CFI: variants seen among roughly 807,000 people sequenced by gnomAD.
CFI encodes the protein complement factor I.
In CFI, 66 loss-of-function variants were observed where a neutral mutation model predicts 78.8. That is an observed-to-expected ratio of 0.84 (90% CI 0.69 to 1.03). The LOEUF is 1.03. Ranked by LOEUF, CFI falls within the 50% of genes least tolerant of loss-of-function variation. The probability of loss-of-function intolerance (pLI) is 0.00; values close to 1 mark genes in which losing one functional copy is unlikely to be tolerated. For synonymous variants in CFI, 250 were observed against 232.6 expected, an observed-to-expected ratio of 1.07 and a Z score of -0.68; for missense variants, 706 against 704.5, an observed-to-expected ratio of 1.00 and a Z score of -0.02.
At chr4:109,742,140 G>C in intron 12 of CFI, 1 of 255,740 alleles carries the variant, frequency 3.9e-6, no homozygotes, top group South Asian at 5.8e-5. Context: ...CTGCATCTCA[G>C]ATGCCTTATC....
chr4:109,739,457 G>A (rs1299935615), downstream of CFI, among the ~76,000 whole-genome samples: 1 of 152,092 alleles, frequency 6.6e-6, no homozygotes, highest in Non-Finnish European at 1.5e-5. Flanking sequence ...AATACACTGG[G>A]GGAAGAAAAG....
At position 109,742,650 on chromosome 4, in the gene CFI, C is replaced by T; in HGVS notation, c.1430-55G>A. On this transcript the variant is annotated intron_variant, in intron 11 of 12. Coordinates refer to ENST00000394634, the MANE Select transcript of CFI (RefSeq NM_000204.5). ...AAGTCACAAATGAGAAATCTAAATACATACTCTCATAACTTAAACCATTGG... is the reference window on the plus strand; with the variant it reads ...AAGTCACAAATGAGAAATCTAAATATATACTCTCATAACTTAAACCATTGG... The T allele has an allele frequency of 2.8e-6, 3 of 1,059,530 alleles. No homozygotes were observed. The South Asian group carries it at 3.8e-5, about 13-fold the overall frequency. 65.6% of individuals were successfully genotyped at this position (1,059,530 alleles called of 1,614,324 possible).
Position 109,749,567 on chromosome 4 carries a change from A to T in CFI, c.976T>A (p.Ser326Thr), listed in dbSNP as rs754267987. Reference sequence around the variant, plus strand: ...TGCATTCTGTTTTTAACTCCACAAGATAGTTTAGGTAATAATGATTTTATC... The same window carrying T: ...TGCATTCTGTTTTTAACTCCACAAGTTAGTTTAGGTAATAATGATTTTATC... ...RRIKSLLPKL[S>T]CGVKNRMHIR... The change falls in exon 9 of 13, where the codon TCT becomes ACT. Residue 326 changes from serine (S) to threonine (T), a missense_variant. Coordinates refer to ENST00000394634, the MANE Select transcript of CFI (RefSeq NM_000204.5). 1 of 1,611,474 alleles carries T rather than the reference A, an allele frequency of 6.2e-7. No homozygotes were observed. Among genetic ancestry groups the T allele is most frequent in the South Asian group, 1.1e-5 (1 of 91,022 alleles).
Position 109,741,191 on chromosome 4 carries a change from C to A in CFI, c.1535-81G>T, listed in dbSNP as rs144501067. The A allele has an allele frequency of 1.4e-5, 22 of 1,603,460 alleles. No homozygotes were observed. The East Asian group carries it at 4.0e-4, about 29-fold the overall frequency. On this transcript the variant is annotated intron_variant, in intron 12 of 12. Coordinates refer to ENST00000394634, the MANE Select transcript of CFI (RefSeq NM_000204.5). ...GCCATGCCTCCTCCATGGCATTTAA[C>A]AACTTTGGCTTTTTTACAGTTTCCT...
At position 109,746,308 on chromosome 4, in the gene CFI, C is replaced by A. The variant is rs139952851; in HGVS notation, c.1343G>T (p.Arg448Leu). Reference sequence around the variant, plus strand: ...CCAGGGGACACAGGCAGGGATGGAACGAGGCAGCTCACAATCTTTTTTGTT... The same window carrying A: ...CCAGGGGACACAGGCAGGGATGGAAAGAGGCAGCTCACAATCTTTTTTGTT... Reference protein sequence around the residue: ...DGNKKDCELPRSIPACVPWSP... With the variant: ...DGNKKDCELPLSIPACVPWSP... The change falls in exon 11 of 13, where the codon CGT becomes CTT. Residue 448 changes from arginine to leucine, a missense_variant. By Grantham distance (102) the Arg-to-Leu change is moderately radical (BLOSUM62 -2). Transcript: ENST00000394634. 7 of 1,614,160 alleles carry A rather than the reference C, an allele frequency of 4.3e-6. No individual in the cohort carries two copies. The highest frequency in any genetic ancestry group is 5.9e-6 in the Non-Finnish European group (7 of 1,180,028).
At position 109,740,796 on chromosome 4, in the gene CFI, T is replaced by C. The variant is rs938876678; in HGVS notation, c.*97A>G. ...AAAATATCCAGTGAGATTTGCTTCATTTTTCCCCCCTAGAGAATTATTAAT... is the reference window on the plus strand; with the variant it reads ...AAAATATCCAGTGAGATTTGCTTCACTTTTCCCCCCTAGAGAATTATTAAT... On this transcript the variant is annotated 3_prime_UTR_variant, in exon 13 of 13. Coordinates refer to ENST00000394634, the MANE Select transcript of CFI (RefSeq NM_000204.5). The C allele has an allele frequency of 1.7e-6, 2 of 1,167,482 alleles. No homozygotes were observed. Among genetic ancestry groups the C allele is most frequent in the Non-Finnish European group, 2.5e-6 (2 of 789,668 alleles). 72.3% of individuals were successfully genotyped at this position (1,167,482 alleles called of 1,614,324 possible).
chr4:109,752,364 A>G, intron 8 of CFI, 104 bp downstream of exon 8: 1 of 1,002,360 alleles, frequency 1.0e-6, no homozygotes, highest in Non-Finnish European at 1.5e-6. Context: ...TTAAATTGAT[A>G]CCAAAACTAC....
At chr4:109,731,543 G>A in the CFI span, among the ~76,000 whole-genome samples, 3 of 152,088 alleles carry the variant, frequency 2.0e-5, no homozygotes, top group Non-Finnish European at 4.4e-5. Context: ...GAATATGATC[G>A]CTCACATTCA....
chr4:109,754,015 ACT>A (rs1322911671), intron 7 of CFI, among the ~76,000 whole-genome samples: 1 of 150,146 alleles, frequency 6.7e-6, no homozygotes, highest in Admixed American at 6.7e-5. Flanking sequence ...ACGGAGTCTC[ACT>A]CTGTTGCCCA....
At chr4:109,764,466 G>T in intron 3 of CFI, 71 bp downstream of exon 3, 3 of 1,509,796 alleles carry the variant, frequency 2.0e-6, no homozygotes, top group South Asian at 2.2e-5. Flanking sequence ...TACACAGAAA[G>T]GTTAGGTAAT....
At chr4:109,768,456 G>A (rs921595167) in intron 1 of CFI, among the ~76,000 whole-genome samples, 18 of 151,574 alleles carry the variant, frequency 1.2e-4, no homozygotes, top group Non-Finnish European at 1.5e-4. Context: ...TTTCCTCATC[G>A]TAAAATGAGA....
At chr4:109,735,952 C>A (rs187918422), downstream of CFI, among the ~76,000 whole-genome samples, 1 of 152,186 alleles carries the variant, frequency 6.6e-6, no homozygotes, top group African/African-American at 2.4e-5. Context: ...TACACATGAC[C>A]GTTGCTGTGC....
At chr4:109,733,568 T>C in the CFI span, among the ~76,000 whole-genome samples, 1 of 151,966 alleles carries the variant, frequency 6.6e-6, no homozygotes, top group Non-Finnish European at 1.5e-5. Context: ...AAAGGAGCAG[T>C]GGAGGTGTGA....
intron 10 of CFI, among the ~76,000 whole-genome samples, chr4:109,748,503 G>T (rs1724748006): frequency 6.6e-6 from 1 of 152,202 alleles, no homozygotes; most frequent in Admixed American, 6.5e-5. Context: ...TTGACTTAAG[G>T]GAGTCAGGGA....
chr4:109,752,663 C>T (rs1489572845), intron 7 of CFI, among the ~76,000 whole-genome samples, 160 bp from the exon 8 acceptor site: 2 of 151,310 alleles, frequency 1.3e-5, no homozygotes, highest in Admixed American at 6.6e-5. Flanking sequence ...CATCTTATTT[C>T]CTTTCTATAA....
At chr4:109,747,388 A>G (rs1561286754) in intron 10 of CFI, among the ~76,000 whole-genome samples, 3 of 152,014 alleles carry the variant, frequency 2.0e-5, no homozygotes, top group Non-Finnish European at 4.4e-5. Context: ...GGGTCTTGCT[A>G]TGTTCCCCAG....
intron 1 of CFI, among the ~76,000 whole-genome samples, chr4:109,769,172 T>G (rs1728247929): frequency 6.6e-6 from 1 of 152,246 alleles, no homozygotes; most frequent in Admixed American, 6.5e-5. Flanking sequence ...TTTTCTACCT[T>G]TATTCCTTTA....
chr4:109,795,981 G>T (rs1732006197), intron 1 of CFI, among the ~76,000 whole-genome samples: 2 of 152,006 alleles, frequency 1.3e-5, no homozygotes, highest in South Asian at 4.2e-4. Flanking sequence ...GGAAGGAAAT[G>T]GACATCTGGA....
At chr4:109,744,962 A>G (rs970762317) in intron 11 of CFI, among the ~76,000 whole-genome samples, 3 of 152,210 alleles carry the variant, frequency 2.0e-5, no homozygotes, top group African/African-American at 7.2e-5. Context: ...TCCTAATACA[A>G]TTTGGTGTTT....
Sources: gnomAD v4.1 joint callset for allele counts (sites outside exome capture counted in the v4.1 genomes callset) on GRCh38, gnomAD v4.1.1 for gene constraint, MANE v1.5 for transcripts, NCBI Gene and HGNC (gene_info 2026-07-23, HGNC 2026-07-21) for gene names.